Variants in PPP2R2D observed in about 807,000 individuals in gnomAD.
PPP2R2D encodes the protein protein phosphatase 2 regulatory subunit Bdelta.
PPP2R2D carries 9 observed loss-of-function variants against 31.1 expected under a neutral mutation model. That is an observed-to-expected ratio of 0.29 (90% CI 0.17 to 0.51). The LOEUF (loss-of-function observed/expected upper bound fraction) is 0.51. PPP2R2D is among the 20% of genes least tolerant of loss of function. The probability of loss-of-function intolerance (pLI) is 0.98; values close to 1 mark genes in which losing one functional copy is unlikely to be tolerated. For missense variants in PPP2R2D, 391 were observed against 465.6 expected (o/e 0.84, Z 1.48); for synonymous variants, 179 against 172.6 (o/e 1.04, Z -0.29).
intron 2 of PPP2R2D, among the ~76,000 whole-genome samples, chr10:131,931,383 T>C (rs2119819526): frequency 6.6e-6 from 1 of 152,364 alleles, no homozygotes; most frequent in Non-Finnish European, 1.5e-5. Flanking sequence ...AATCTTGCTT[T>C]GTTGCCCAGG....
chr10:131,935,079 T>G (rs1024450324), intron 3 of PPP2R2D: 3 of 419,960 alleles, frequency 7.1e-6, no homozygotes, highest in African/African-American at 6.1e-5. Context: ...CTTCAGAGTG[T>G]GGGCCTTGGA....
the PPP2R2D span, chr10:131,966,569 G>T: frequency 1.2e-4 from 19 of 152,044 alleles, no homozygotes; most frequent in South Asian, 4.2e-4. Flanking sequence ...TCCCAGAGTT[G>T]TTTTTTCTGA....
rs35022851 is a variant in PPP2R2D at position 131,948,343 on chromosome 10, G to GT, written c.1082+560dup. Among the ~76,000 whole-genome samples, 9 of 152,052 alleles carry GT rather than the reference G, an allele frequency of 5.9e-5. No individual in the cohort carries two copies. In the East Asian group the frequency reaches 1.5e-3, roughly 26 times the overall value. ...TATGATTAGTGTGGTTGAGAGTTAC[G>GT]TTTTTTTTATTATGCAAAAAGTTAC... is the stretch of plus-strand genomic sequence containing the variant. On this transcript the variant is annotated intron_variant, in intron 8 of 8. Transcript: ENST00000455566.
the PPP2R2D span, among the ~76,000 whole-genome samples, chr10:131,965,618 T>C: frequency 6.6e-6 from 1 of 152,148 alleles, no homozygotes; most frequent in African/African-American, 2.4e-5. Flanking sequence ...CTAATTTTCT[T>C]GTATTTTAGT....
rs949013252 is a variant in PPP2R2D, at chr10:131,909,517, C to T, written c.100+8187C>T. Among the ~76,000 whole-genome samples, 727 of 152,318 alleles carry T rather than the reference C, an allele frequency of 4.8e-3. 2 individuals are homozygous for T. The highest frequency in any genetic ancestry group is 0.017 in the Middle Eastern group (5 of 294). ...TAAGTATCTTAGACTTTCAGGCCAT[C>T]CTGTCCCTGTTGCAACGACTGAATT... On this transcript the variant is annotated intron_variant, in intron 2 of 8. Coordinates refer to ENST00000455566, the MANE Select transcript of PPP2R2D (RefSeq NM_018461.5).
At chr10:131,905,486 A>G (rs1010330282) in intron 2 of PPP2R2D, among the ~76,000 whole-genome samples, 1 of 152,120 alleles carries the variant, frequency 6.6e-6, no homozygotes, top group South Asian at 2.1e-4. Context: ...TCTCTGGTAG[A>G]CTGAGCTCCT....
At chr10:131,934,955 C>T (rs1464751740) in intron 3 of PPP2R2D, 1 of 456,234 alleles carries the variant, frequency 2.2e-6, no homozygotes, top group Admixed American at 2.3e-5. Context: ...CTCAGCACTT[C>T]CTGCAGAGAA....
chr10:131,905,350 G>A (rs1351385182), intron 2 of PPP2R2D, among the ~76,000 whole-genome samples: 2 of 152,162 alleles, frequency 1.3e-5, no homozygotes, highest in African/African-American at 4.8e-5. Context: ...GTTAACTGTT[G>A]TGCAGATTTT....
chr10:131,934,784 G>C (rs534501086), intron 3 of PPP2R2D: 3 of 570,802 alleles, frequency 5.3e-6, no homozygotes, highest in Non-Finnish European at 1.0e-5. Context: ...AGGAGATTCC[G>C]CTGGGGACCC....
At chr10:131,909,085 CAG>C (rs2035642988) in intron 2 of PPP2R2D, among the ~76,000 whole-genome samples, 1 of 152,080 alleles carries the variant, frequency 6.6e-6, no homozygotes, top group Non-Finnish European at 1.5e-5. Context: ...GGGAGGACAT[CAG>C]GGTATAAGAA....
chr10:131,950,473 G>A (rs2036617346), intron 8 of PPP2R2D, among the ~76,000 whole-genome samples: 2 of 151,412 alleles, frequency 1.3e-5, no homozygotes, highest in Admixed American at 6.6e-5. Context: ...CGGCCACAGT[G>A]GGAGCCAGAA....
In PPP2R2D at chr10:131,955,965, G is replaced by A. The variant is rs781916522; in HGVS notation, c.*2G>A. On this transcript the variant is annotated 3_prime_UTR_variant, in exon 9 of 9. Coordinates refer to ENST00000455566, the MANE Select transcript of PPP2R2D (RefSeq NM_018461.5). Reference sequence around the variant, plus strand: ...ATATTCCAGGACAAAATCAACTAGAGACGCGAACGTGAGGACCAAGTCTTG... The same window carrying A: ...ATATTCCAGGACAAAATCAACTAGAAACGCGAACGTGAGGACCAAGTCTTG... The A allele has an allele frequency of 1.3e-6, 2 of 1,497,832 alleles. No homozygotes were observed. Among genetic ancestry groups the A allele is most frequent in the Non-Finnish European group, 1.8e-6 (2 of 1,114,304 alleles). 92.8% of individuals were successfully genotyped at this position (1,497,832 alleles called of 1,614,324 possible).
At position 131,959,204 on chromosome 10, in the gene PPP2R2D, C is replaced by T. The variant is rs184500122; in HGVS notation, c.*3241C>T. 148 of 161,254 alleles carry T rather than the reference C, an allele frequency of 9.2e-4. 3 individuals carry two copies. Among genetic ancestry groups the T allele is most frequent in the Non-Finnish European group, 1.2e-3 (94 of 81,520 alleles). 10.0% of individuals were successfully genotyped at this position (161,254 alleles called of 1,614,324 possible). A position where few individuals can be genotyped will look rare whatever the true frequency, so the allele number is the denominator to read the frequency against. ...GAGATGAAGGTGTGTGCTGATCCCC[C>T]GTCCTCCTGTGGAGATGAAGGCGTG... On this transcript the variant is annotated 3_prime_UTR_variant, in exon 9 of 9. Coordinates refer to ENST00000455566, the MANE Select transcript of PPP2R2D (RefSeq NM_018461.5).
chr10:131,913,648 C>T (rs1438793218), intron 2 of PPP2R2D, among the ~76,000 whole-genome samples: 3 of 152,058 alleles, frequency 2.0e-5, no homozygotes, highest in African/African-American at 4.8e-5. Flanking sequence ...AGCAATGTGT[C>T]GTTAGGCGAT....
intron 8 of PPP2R2D, among the ~76,000 whole-genome samples, chr10:131,952,783 C>T (rs1190981687): frequency 3.2e-5 from 3 of 94,916 alleles, no homozygotes; most frequent in African/African-American, 9.4e-5. Context: ...TAGTGACTTG[C>T]GGGTGTGCAG....
chr10:131,961,017 G>A (rs951220032), downstream of PPP2R2D, among the ~76,000 whole-genome samples: 5 of 152,280 alleles, frequency 3.3e-5, no homozygotes, highest in Admixed American at 6.5e-5. Context: ...TGCTGGGATC[G>A]CCAAGGGAGA....
intron 2 of PPP2R2D, among the ~76,000 whole-genome samples, chr10:131,914,678 C>T (rs1328280331): frequency 4.6e-5 from 7 of 152,152 alleles, no homozygotes; most frequent in Non-Finnish European, 1.0e-4. Context: ...GTCTGTGACA[C>T]ATTGGGTGAA....
Position 131,956,000 on chromosome 10 carries a change from G to A in PPP2R2D, c.*37G>A. On this transcript the variant is annotated 3_prime_UTR_variant, in exon 9 of 9. Coordinates refer to ENST00000455566, the MANE Select transcript of PPP2R2D (RefSeq NM_018461.5). ...TGAGGACCAAGTCTTGTCTTGCATAGTTAAGCCGGACATTTTTCTGTCAGA... is the reference window on the plus strand; with the variant it reads ...TGAGGACCAAGTCTTGTCTTGCATAATTAAGCCGGACATTTTTCTGTCAGA... The A allele has an allele frequency of 7.1e-7, 1 of 1,400,340 alleles. No homozygotes were observed. The highest frequency in any genetic ancestry group is 9.4e-7 in the Non-Finnish European group (1 of 1,066,356). 86.7% of individuals were successfully genotyped at this position (1,400,340 alleles called of 1,614,324 possible). A position where few individuals can be genotyped will look rare whatever the true frequency, so the allele number is the denominator to read the frequency against.
At chr10:131,903,048 G>A (rs1589917355) in intron 2 of PPP2R2D, among the ~76,000 whole-genome samples, 2 of 151,748 alleles carry the variant, frequency 1.3e-5, no homozygotes, top group African/African-American at 4.8e-5. Flanking sequence ...CACCGCACCT[G>A]CCTGGTTTCT....
Sources: gnomAD v4.1 joint callset for allele counts (sites outside exome capture counted in the v4.1 genomes callset) on GRCh38, gnomAD v4.1.1 for gene constraint, MANE v1.5 for transcripts, NCBI Gene and HGNC (gene_info 2026-07-23, HGNC 2026-07-21) for gene names.